The following ZNF638 variants were observed in gnomAD, a reference collection of about 807,000 sequenced individuals.
ZNF638 encodes CTCL tumor antigen se33-1.
A neutral mutation model predicts 195.6 loss-of-function variants in ZNF638; 46 were observed. The observed-to-expected ratio is 0.24, with a 90% confidence interval of 0.19 to 0.30. ZNF638 has a LOEUF of 0.30. Ranked by LOEUF, ZNF638 falls within the 10% of genes least tolerant of loss-of-function variation. The pLI, the probability that ZNF638 is intolerant of heterozygous loss-of-function variation, is 1.00. For missense variants in ZNF638, 2,440 were observed against 2,325.3 expected (o/e 1.05, Z -1.01); for synonymous variants, 845 against 772.0 (o/e 1.09, Z -1.57).
At chr2:71,380,695 C>T (rs1029133913) in intron 10 of ZNF638, 130 bp downstream of exon 10, 69 of 618,360 alleles carry the variant, frequency 1.1e-4, no homozygotes, top group Middle Eastern at 5.3e-4. Context: ...CTTTAATTGG[C>T]CCCTGTATTA....
chr2:71,422,773 T>C (rs1374744892), intron 21 of ZNF638, 41 bp from the exon 22 acceptor site: 2 of 1,567,122 alleles, frequency 1.3e-6, no homozygotes, highest in Non-Finnish European at 8.6e-7. Context: ...TTGTTTGTGT[T>C]TTTGTTTGTG....
intron 10 of ZNF638, chr2:71,393,339 C>T: frequency 1.4e-6 from 1 of 706,696 alleles, no homozygotes; most frequent in Non-Finnish European, 2.6e-6. Flanking sequence ...TGGTGTAGTC[C>T]AAATGAATTG....
intron 12 of ZNF638, among the ~76,000 whole-genome samples, chr2:71,399,302 T>G (rs1046818808): frequency 6.6e-6 from 1 of 152,196 alleles, no homozygotes; most frequent in Non-Finnish European, 1.5e-5. Flanking sequence ...TGCGTGTGTG[T>G]GATTACAATG....
At chr2:71,408,838 C>G in intron 20 of ZNF638, 1 of 285,664 alleles carries the variant, frequency 3.5e-6, no homozygotes, top group Non-Finnish European at 7.2e-6. Context: ...AAAAATCTTG[C>G]ACTATCTAAA....
At chr2:71,348,697 C>T in intron 1 of ZNF638, 56 bp from the exon 2 acceptor site, 1 of 1,427,080 alleles carries the variant, frequency 7.0e-7, no homozygotes, top group East Asian at 2.8e-5. Context: ...CTGTAGAACC[C>T]ACTTCATGAA....
At chr2:71,334,159 G>C (rs2078622839) in intron 1 of ZNF638, among the ~76,000 whole-genome samples, 1 of 152,086 alleles carries the variant, frequency 6.6e-6, no homozygotes, top group Non-Finnish European at 1.5e-5. Flanking sequence ...GTATGTATTA[G>C]ATGCTCAGAT....
At chr2:71,368,244 AAG>A (rs1472515241) in intron 6 of ZNF638, 136 bp from the exon 7 acceptor site, 21 of 729,438 alleles carry the variant, frequency 2.9e-5, no homozygotes, top group Non-Finnish European at 4.2e-5. Flanking sequence ...GTGAAGGAAA[AAG>A]AAAAATGGGT....
At chr2:71,370,200 C>T (rs113941972) in intron 8 of ZNF638, among the ~76,000 whole-genome samples, 195 bp downstream of exon 8, 2 of 152,074 alleles carry the variant, frequency 1.3e-5, no homozygotes, top group Non-Finnish European at 2.9e-5. Context: ...TATTAAATAA[C>T]GACGACTAGG....
intron 3 of ZNF638, among the ~76,000 whole-genome samples, chr2:71,360,517 G>A (rs539615019): frequency 2.1e-4 from 32 of 151,512 alleles, no homozygotes; most frequent in African/African-American, 7.5e-4. Flanking sequence ...TAAGATTTAT[G>A]CATTACAGTC....
chr2:71,357,650 C>A (rs1271105600), intron 3 of ZNF638, among the ~76,000 whole-genome samples: 1 of 151,974 alleles, frequency 6.6e-6, no homozygotes, highest in African/African-American at 2.4e-5. Context: ...TCTATTAAAG[C>A]CTTTAGTGTA....
intron 26 of ZNF638, 54 bp downstream of exon 26, chr2:71,431,482 G>A (rs574828986): frequency 3.9e-5 from 59 of 1,517,892 alleles, no homozygotes; most frequent in East Asian, 2.6e-4. Flanking sequence ...AAAGTCGGCC[G>A]GGCGCGGTGG....
chr2:71,393,752 C>G (rs951122815), intron 10 of ZNF638: 4 of 636,376 alleles, frequency 6.3e-6, no homozygotes, highest in Non-Finnish European at 1.1e-5. Context: ...TTCTTACGCC[C>G]TGTTACCTGG....
intron 3 of ZNF638, among the ~76,000 whole-genome samples, chr2:71,359,801 A>C (rs555328197): frequency 5.9e-5 from 9 of 151,988 alleles, no homozygotes; most frequent in Non-Finnish European, 5.9e-5. Context: ...TCCTCCATTG[A>C]TGTATATTTA....
At chr2:71,344,515 C>T (rs1229366305) in intron 1 of ZNF638, among the ~76,000 whole-genome samples, 1 of 152,204 alleles carries the variant, frequency 6.6e-6, no homozygotes, top group Non-Finnish European at 1.5e-5. Context: ...GAGATCTGTT[C>T]TGGCTGTAAT....
In ZNF638 at chr2:71,339,440, C is replaced by T. The variant is rs74352809; in HGVS notation, c.-203+7565C>T. Reference sequence around the variant, plus strand: ...TGCTGGGATTACAGGCATGAGCCACCGCGCCCGGCCAGTTTAGGTATATTT... The same window carrying T: ...TGCTGGGATTACAGGCATGAGCCACTGCGCCCGGCCAGTTTAGGTATATTT... On this transcript the variant is annotated intron_variant, in intron 1 of 27. Transcript: ENST00000264447. Among the ~76,000 whole-genome samples the T allele has an allele frequency of 0.052, 7,913 of 152,194 alleles. 967 individuals are homozygous for T. The East Asian group carries it at 0.56, about 11-fold the overall frequency.
intron 15 of ZNF638, among the ~76,000 whole-genome samples, chr2:71,401,072 T>C (rs112930968): frequency 0.013 from 2,001 of 152,296 alleles, 39 homozygotes; most frequent in African/African-American, 0.043. Flanking sequence ...TAAGTTTTTG[T>C]CTAGTAGATC....
intron 8 of ZNF638, among the ~76,000 whole-genome samples, chr2:71,371,656 A>G (rs549226405): frequency 2.8e-4 from 43 of 151,296 alleles, no homozygotes; most frequent in Non-Finnish European, 5.6e-4. Flanking sequence ...CTTTTGAGAA[A>G]TGTTTCTTCA....
chr2:71,395,534 AGAC>A (rs2079874923), intron 10 of ZNF638: 2 of 615,730 alleles, frequency 3.2e-6, no homozygotes, highest in South Asian at 3.8e-5. Flanking sequence ...GAATTTATCT[AGAC>A]GAGTTTTATT....
At chr2:71,389,643 A>C (rs1284354697) in intron 10 of ZNF638, among the ~76,000 whole-genome samples, 1 of 152,200 alleles carries the variant, frequency 6.6e-6, no homozygotes, top group Non-Finnish European at 1.5e-5. Flanking sequence ...AAGCCTATGC[A>C]CAAGTGTCTT....
Sources: allele counts gnomAD v4.1 joint callset (sites outside exome capture counted in the v4.1 genomes callset), GRCh38; gene constraint gnomAD v4.1.1; transcripts MANE v1.5; gene names NCBI Gene and HGNC (gene_info 2026-07-23, HGNC 2026-07-21).